The following PKP4 variants were observed in gnomAD, a reference collection of about 807,000 sequenced individuals.
The protein encoded by PKP4 is plakophilin 4, also known as plakophilin-4.
In PKP4, 90 loss-of-function variants were observed where a neutral mutation model predicts 145.1. That is an observed-to-expected ratio of 0.62 (90% CI 0.52 to 0.74). PKP4 has a LOEUF of 0.74. PKP4 is among the 30% of genes least tolerant of loss of function. The pLI, the probability that PKP4 is intolerant of heterozygous loss-of-function variation, is 0.00. For missense variants in PKP4, 1,340 were observed against 1,482.7 expected (o/e 0.90, Z 1.58); for synonymous variants, 563 against 577.2 (o/e 0.98, Z 0.35).
intron 11 of PKP4, among the ~76,000 whole-genome samples, chr2:158,646,181 C>A (rs1205361932): frequency 6.6e-6 from 1 of 152,114 alleles, no homozygotes; most frequent in African/African-American, 2.4e-5. Flanking sequence ...CTATAAGAAA[C>A]AATTTTTTGC....
In PKP4 at chr2:158,680,853, G is replaced by C. The variant is rs529072011; in HGVS notation, c.*176G>C. The C allele has an allele frequency of 5.0e-6, 3 of 603,892 alleles. No homozygotes were observed. Among genetic ancestry groups the C allele is most frequent in the Admixed American group, 6.8e-5 (2 of 29,262 alleles). 37.4% of individuals were successfully genotyped at this position (603,892 alleles called of 1,614,324 possible). On this transcript the variant is annotated 3_prime_UTR_variant, in exon 22 of 22. Coordinates refer to ENST00000389759, the MANE Select transcript of PKP4 (RefSeq NM_003628.6). Reference sequence around the variant, plus strand: ...CAGGGAAGTGAGGAAATGTTTGGGAGAGGACTTTCTAAGCTCTATTTAGGT... The same window carrying C: ...CAGGGAAGTGAGGAAATGTTTGGGACAGGACTTTCTAAGCTCTATTTAGGT...
chr2:158,640,889 A>G, intron 10 of PKP4, 130 bp downstream of exon 10: 2 of 929,976 alleles, frequency 2.2e-6, no homozygotes, highest in Non-Finnish European at 3.3e-6. Context: ...TTGATACCAG[A>G]TACTCTTTCA....
rs187946214 is a variant in PKP4, at chr2:158,510,467, G to A, written c.-5-22713G>A. On this transcript the variant is annotated intron_variant, in intron 1 of 21. Transcript: ENST00000389759. ...ACAAGTGGGTGAAAATGAGCATTGC[G>A]TGTTGCTAAGACTTGAACTAGATTG... 2.9e-3 allele frequency among the ~76,000 whole-genome samples: 435 copies of A among 152,320 alleles called. 2 individuals carry two copies. Among genetic ancestry groups the A allele is most frequent in the Non-Finnish European group, 4.5e-3 (309 of 68,028 alleles).
intron 4 of PKP4, among the ~76,000 whole-genome samples, chr2:158,610,822 G>A (rs556095895): frequency 7.9e-5 from 12 of 152,218 alleles, no homozygotes; most frequent in Non-Finnish European, 1.6e-4. Flanking sequence ...GCCTCCCTCC[G>A]CCCCAGCTCT....
intron 9 of PKP4, among the ~76,000 whole-genome samples, chr2:158,638,267 T>G (rs2053980286): frequency 1.3e-5 from 2 of 152,240 alleles, no homozygotes; most frequent in Admixed American, 1.3e-4. Flanking sequence ...ATAAAACATC[T>G]GTGTCAGAAG....
At chr2:158,529,431 T>G (rs575881145) in intron 1 of PKP4, among the ~76,000 whole-genome samples, 1 of 152,338 alleles carries the variant, frequency 6.6e-6, no homozygotes, top group East Asian at 1.9e-4. Flanking sequence ...AAACAGGAGC[T>G]GTGTCATTCA....
In PKP4 at chr2:158,623,248, A is replaced by G. The variant is rs141670210; in HGVS notation, c.604-1630A>G. On this transcript the variant is annotated intron_variant, in intron 6 of 21. Transcript: ENST00000389759. The stretch of plus-strand genomic sequence containing the variant: ...GTACAATATGGCAAAATCATAGCTC[A>G]CTATAGTCTCAATCCCCTGGGCTCA... 6.4e-4 allele frequency among the ~76,000 whole-genome samples: 97 copies of G among 152,218 alleles called. 1 individual carries two copies. The Middle Eastern group carries it at 0.017, about 27-fold the overall frequency.
chr2:158,621,479 C>T (rs1198379575), intron 6 of PKP4, 58 bp downstream of exon 6: 2 of 1,430,784 alleles, frequency 1.4e-6, no homozygotes, highest in Non-Finnish European at 9.7e-7. Context: ...GGCACAGTGG[C>T]TCATGCCTGT....
intron 10 of PKP4, among the ~76,000 whole-genome samples, chr2:158,641,975 A>G (rs1310509944): frequency 6.6e-6 from 1 of 152,050 alleles, no homozygotes; most frequent in Admixed American, 6.5e-5. Context: ...TGAAGCCATG[A>G]ACCCAGGAAA....
At chr2:158,467,719 T>G (rs1386975459) in intron 1 of PKP4, among the ~76,000 whole-genome samples, 1 of 152,038 alleles carries the variant, frequency 6.6e-6, no homozygotes, top group East Asian at 1.9e-4. Context: ...CGATGGCATG[T>G]GCCTGTAGTC....
intron 3 of PKP4, among the ~76,000 whole-genome samples, chr2:158,594,497 G>A (rs2049551346): frequency 6.6e-6 from 1 of 152,078 alleles, no homozygotes; most frequent in Non-Finnish European, 1.5e-5. Flanking sequence ...GAGATCTTGG[G>A]AATAGCCTTA....
At chr2:158,604,963 T>C (rs2050532597) in intron 4 of PKP4, among the ~76,000 whole-genome samples, 1 of 152,154 alleles carries the variant, frequency 6.6e-6, no homozygotes. Context: ...TGCTTCTTAT[T>C]CTTGGGAGGT....
At chr2:158,591,693 TAATA>T (rs1306518325) in intron 3 of PKP4, among the ~76,000 whole-genome samples, 2 of 152,214 alleles carry the variant, frequency 1.3e-5, no homozygotes, top group East Asian at 3.9e-4. Context: ...ACAATCTGAG[TAATA>T]AATATTCTTT....
intron 2 of PKP4, among the ~76,000 whole-genome samples, chr2:158,554,016 T>G (rs2045857315): frequency 6.6e-6 from 1 of 151,968 alleles, no homozygotes; most frequent in Non-Finnish European, 1.5e-5. Context: ...GACATGAATT[T>G]ATTTCTTTAA....
chr2:158,634,015 A>G, intron 8 of PKP4, 55 bp from the exon 9 acceptor site: 1 of 933,604 alleles, frequency 1.1e-6, no homozygotes, highest in Non-Finnish European at 1.7e-6. Flanking sequence ...ACCTTTAATT[A>G]AAGTGTGATC....
At chr2:158,596,597 C>A (rs1289221199) in intron 3 of PKP4, among the ~76,000 whole-genome samples, 2 of 150,746 alleles carry the variant, frequency 1.3e-5, no homozygotes, top group African/African-American at 4.9e-5. Flanking sequence ...GTAATCCCAG[C>A]CTGGGCAATG....
intron 13 of PKP4, 24 bp from the exon 14 acceptor site, chr2:158,662,873 A>AT (rs747677697): frequency 1.3e-5 from 21 of 1,574,152 alleles, no homozygotes; most frequent in Admixed American, 1.9e-5. Context: ...GTTGTTTTTA[A>AT]TTATACGCCA....
chr2:158,547,597 T>G (rs114491547), intron 2 of PKP4, among the ~76,000 whole-genome samples: 2 of 152,210 alleles, frequency 1.3e-5, no homozygotes, highest in African/African-American at 4.8e-5. Flanking sequence ...CTGTGGCTCG[T>G]TGTTGTGTAC....
intron 2 of PKP4, among the ~76,000 whole-genome samples, chr2:158,560,893 C>T (rs1449912192): frequency 1.3e-5 from 2 of 152,168 alleles, no homozygotes; most frequent in Non-Finnish European, 2.9e-5. Context: ...CAAGTTGATA[C>T]CAAAATCCTA....
Sources: allele counts gnomAD v4.1 joint callset (sites outside exome capture counted in the v4.1 genomes callset), GRCh38; gene constraint gnomAD v4.1.1; transcripts MANE v1.5; gene names NCBI Gene and HGNC (gene_info 2026-07-23, HGNC 2026-07-21).